The following RSPH3 variants were observed in gnomAD, a reference collection of about 807,000 sequenced individuals.
RSPH3 encodes radial spoke head 3, also known as radial spoke head protein 3 homolog.
Under a neutral mutation model 43.8 loss-of-function variants are expected in RSPH3, and 21 were observed. That is an observed-to-expected ratio of 0.48 (90% confidence interval 0.34 to 0.69). RSPH3 has a LOEUF of 0.69. RSPH3 is among the 30% of genes least tolerant of loss of function. The probability of loss-of-function intolerance (pLI) is 0.01; values close to 1 mark genes in which losing one functional copy is unlikely to be tolerated. For missense variants in RSPH3, 487 were observed against 516.0 expected (o/e 0.94, Z 0.54); for synonymous variants, 173 against 179.8 (o/e 0.96, Z 0.30).
At chr6:158,993,180 C>T (rs564341478) in intron 2 of RSPH3, among the ~76,000 whole-genome samples, 2 of 151,882 alleles carry the variant, frequency 1.3e-5, no homozygotes, top group South Asian at 2.1e-4. Flanking sequence ...TGCAGTGGTG[C>T]GATCTCGGCT....
At position 158,976,394 on chromosome 6, in the gene RSPH3, T is replaced by A. The variant is rs1316159847; in HGVS notation, c.*1144A>T. 6.6e-6 allele frequency: 1 copy of A among 152,182 alleles called. No homozygotes were observed. Among genetic ancestry groups the A allele is most frequent in the East Asian group, 1.9e-4 (1 of 5,196 alleles). The allele number at this position is 152,182 out of a possible 1,614,324, so 9.4% of individuals were successfully genotyped here. ...AGCACAGTCATAATATGTAATACCT[T>A]AACCATATTTTGACAAGATAAGAGA... On this transcript the variant is annotated 3_prime_UTR_variant, in exon 8 of 8. Transcript: ENST00000367069.
At chr6:158,972,170 T>C (rs1040220808), downstream of RSPH3, among the ~76,000 whole-genome samples, 21 of 152,174 alleles carry the variant, frequency 1.4e-4, no homozygotes, top group Non-Finnish European at 2.9e-4. Context: ...GAGAAATTTC[T>C]AATAATGAGA....
chr6:158,988,022 T>C (rs1248610230), intron 2 of RSPH3, among the ~76,000 whole-genome samples: 1 of 152,248 alleles, frequency 6.6e-6, no homozygotes, highest in East Asian at 1.9e-4. Flanking sequence ...TTGTTCAGGC[T>C]GAAGAATTCC....
Position 158,983,730 on chromosome 6 carries a change from G to C in RSPH3, c.424C>G (p.Pro142Ala). ...GCAGGAATAAAGAGTGGTGTTGGTG[G>C]TCTGTCCAAAAATGCATCTGTTTGG... The part of the protein sequence containing the change: ...ECQTDAFLDR[P>A]PTPLFIPAKT... The change falls in exon 4 of 8, where the codon CCA becomes GCA. Residue 142 changes from proline to alanine, a missense_variant. Coordinates refer to ENST00000367069, the MANE Select transcript of RSPH3 (RefSeq NM_031924.8). The C allele has an allele frequency of 6.2e-7, 1 of 1,611,998 alleles. No homozygotes were observed. The highest frequency in any genetic ancestry group is 8.5e-7 in the Non-Finnish European group (1 of 1,178,056).
At position 158,976,796 on chromosome 6, in the gene RSPH3, C is replaced by T. The variant is rs148603351; in HGVS notation, c.*742G>A. ...AGCACTGTGGCTTTCAGTAGCACAA[C>T]GTTTAGGCATTCTCTCTCTTTTTTT... On this transcript the variant is annotated 3_prime_UTR_variant, in exon 8 of 8. Coordinates refer to ENST00000367069, the MANE Select transcript of RSPH3 (RefSeq NM_031924.8). 1.3e-4 allele frequency: 20 copies of T among 152,540 alleles called. No individual in the cohort carries two copies. The highest frequency in any genetic ancestry group is 4.6e-4 in the Admixed American group (7 of 15,198). 9.4% of individuals were successfully genotyped at this position (152,540 alleles called of 1,614,324 possible).
In RSPH3 at chr6:158,986,176, G is replaced by T. The variant is rs28627682; in HGVS notation, c.346+104C>A. On this transcript the variant is annotated intron_variant, in intron 3 of 7. Coordinates refer to ENST00000367069, the MANE Select transcript of RSPH3 (RefSeq NM_031924.8). ...ACCATGTGATCGGGGAAGTATCAGA[G>T]AGCACAGGAGAGGCATAAGTAATAC... 0.17 allele frequency: 184,031 copies of T among 1,066,420 alleles called. 22,483 individuals are homozygous for T. The highest frequency in any genetic ancestry group is 0.46 in the East Asian group (18,830 of 40,862). 66.1% of individuals were successfully genotyped at this position (1,066,420 alleles called of 1,614,324 possible).
chr6:158,997,683 T>G (rs1778641587), intron 1 of RSPH3, among the ~76,000 whole-genome samples: 1 of 152,234 alleles, frequency 6.6e-6, no homozygotes, highest in Admixed American at 6.5e-5. Context: ...AAGTTGTTCC[T>G]AATGAACCAC....
rs1778238867 is a variant in RSPH3 at position 158,986,367 on chromosome 6, C to A, written c.259G>T (p.Ala87Ser). ...LQRQREARKR[A>S]LARKQAQEQL... ...TCTTGGGCTTGTTTTCTGGCAAGAG[C>A]CCTCTTCCTAGCCTCCCGTTGTCTC... The change falls in exon 3 of 8, where the codon GCT (alanine) becomes TCT (serine). Residue 87 changes from alanine to serine, a missense_variant. Ala to Ser is a moderately conservative substitution (Grantham distance 99). Transcript: ENST00000367069. The A allele has an allele frequency of 6.8e-6, 11 of 1,614,102 alleles. No individual in the cohort carries two copies. Among genetic ancestry groups the A allele is most frequent in the East Asian group, 2.2e-5 (1 of 44,892 alleles).
At position 158,974,318 on chromosome 6, in the gene RSPH3, A is replaced by G. The variant is rs1204783819; in HGVS notation, c.*3220T>C. On this transcript the variant is annotated 3_prime_UTR_variant, in exon 8 of 8. Transcript: ENST00000367069. The stretch of plus-strand genomic sequence containing the variant: ...GTCATACTGAGGGTCATAGTTGGGG[A>G]TGTAGCATTTTGCATATCACATCAA... 6.6e-6 allele frequency: 1 copy of G among 152,158 alleles called. No individual in the cohort carries two copies. Among genetic ancestry groups the G allele is most frequent in the Non-Finnish European group, 1.5e-5 (1 of 68,030 alleles). The allele number at this position is 152,158 out of a possible 1,614,324, so 9.4% of individuals were successfully genotyped here. A position where few individuals can be genotyped will look rare whatever the true frequency, so the allele number is the denominator to read the frequency against.
intron 3 of RSPH3, among the ~76,000 whole-genome samples, chr6:158,985,816 CTT>C (rs1192708843): frequency 7.9e-5 from 10 of 127,370 alleles, no homozygotes; most frequent in Admixed American, 8.0e-5. Context: ...CTCTCTCTCT[CTT>C]TTTTTTTTTT....
At chr6:158,994,339 T>C (rs973471656) in intron 1 of RSPH3, among the ~76,000 whole-genome samples, 8 of 152,152 alleles carry the variant, frequency 5.3e-5, no homozygotes, top group African/African-American at 1.7e-4. Flanking sequence ...GATTCAAAGA[T>C]TGAAAAGTTA....
intron 3 of RSPH3, 119 bp from the exon 4 acceptor site, chr6:158,983,926 G>A (rs1778123291): frequency 1.5e-6 from 1 of 679,656 alleles, no homozygotes; most frequent in African/African-American, 1.8e-5. Context: ...TTGAAGCCAG[G>A]AGTTTGAGAC....
At chr6:158,980,997 G>T in intron 5 of RSPH3, 61 bp from the exon 6 acceptor site, 1 of 1,528,564 alleles carries the variant, frequency 6.5e-7, no homozygotes, top group Non-Finnish European at 9.0e-7. Flanking sequence ...GCTGAATCTA[G>T]TGAAGTTAGT....
the RSPH3 span, among the ~76,000 whole-genome samples, chr6:158,965,919 G>A: frequency 6.6e-6 from 1 of 152,212 alleles, no homozygotes; most frequent in East Asian, 1.9e-4. Context: ...GATTGAGGAA[G>A]TTTCTGTCTG....
At chr6:158,983,494 A>G (rs1778107775) in intron 4 of RSPH3, among the ~76,000 whole-genome samples, 168 bp downstream of exon 4, 1 of 152,224 alleles carries the variant, frequency 6.6e-6, no homozygotes, top group Non-Finnish European at 1.5e-5. Flanking sequence ...GTATGTTAAA[A>G]CATTTCTGAG....
At chr6:158,998,561 AAC>A (rs1778705455) in intron 1 of RSPH3, among the ~76,000 whole-genome samples, 1 of 150,334 alleles carries the variant, frequency 6.7e-6, no homozygotes, top group South Asian at 2.1e-4. Flanking sequence ...TGGATGTAAA[AAC>A]ACAAACTGCC....
rs1229193884 is a variant in RSPH3, at chr6:158,975,932, T to TA, written c.*1605dup. 4 of 152,468 alleles carry TA rather than the reference T, an allele frequency of 2.6e-5. No individual in the cohort carries two copies. In the East Asian group the frequency reaches 7.7e-4, roughly 29 times the overall value. The allele number at this position is 152,468 out of a possible 1,614,324, so 9.4% of individuals were successfully genotyped here. A position where few individuals can be genotyped will look rare whatever the true frequency, so the allele number is the denominator to read the frequency against. The stretch of plus-strand genomic sequence containing the variant: ...GTGCGGTGGCTCATGCCTGTAGTCC[T>TA]AGCACTTTGGGAGGCCAAGGTGGGC... On this transcript the variant is annotated 3_prime_UTR_variant, in exon 8 of 8. Transcript: ENST00000367069.
chr6:158,971,259 C>T (rs1210296286), downstream of RSPH3, among the ~76,000 whole-genome samples: 1 of 152,138 alleles, frequency 6.6e-6, no homozygotes, highest in Non-Finnish European at 1.5e-5. Flanking sequence ...TGCCATGAAG[C>T]TTACTGTTCT....
chr6:158,970,514 A>G (rs2128603613), downstream of RSPH3, among the ~76,000 whole-genome samples: 1 of 151,788 alleles, frequency 6.6e-6, no homozygotes, highest in Admixed American at 6.6e-5. Flanking sequence ...CATGTACCCT[A>G]TATGTAGTTT....
Sources: gnomAD v4.1 joint callset for allele counts (sites outside exome capture counted in the v4.1 genomes callset) on GRCh38, gnomAD v4.1.1 for gene constraint, MANE v1.5 for transcripts, NCBI Gene and HGNC (gene_info 2026-07-23, HGNC 2026-07-21) for gene names.